The following ITPR2 variants were observed in gnomAD, a reference collection of about 807,000 sequenced individuals.
The protein encoded by ITPR2 is inositol 1,4,5-trisphosphate receptor type 2, also known as inositol 1,4,5-trisphosphate-gated calcium channel ITPR2.
In ITPR2, 207 loss-of-function variants were observed where a neutral mutation model predicts 317.1. The ratio of observed to expected loss-of-function variants is 0.65; its 90% CI spans 0.58 to 0.73. The LOEUF is 0.73. Among genes scored for constraint, ITPR2 ranks in the 30% least tolerant of loss-of-function variants. The pLI is 0.00. For synonymous variants in ITPR2, 1,156 were observed against 1,149.1 expected (o/e 1.01, Z -0.12); for missense variants, 2,613 against 3,284.0 (o/e 0.80, Z 4.99).
chr12:26,522,324 T>C (rs1415899753), intron 37 of ITPR2, among the ~76,000 whole-genome samples: 1 of 152,206 alleles, frequency 6.6e-6, no homozygotes, highest in African/African-American at 2.4e-5. Flanking sequence ...CTATTAGACA[T>C]GAAGTAGCCA....
At position 26,624,305 on chromosome 12, in the gene ITPR2, G is replaced by C; in HGVS notation, c.3116C>G (p.Ala1039Gly). ...TATATAAATGTTACTATACCTTCCC[G>C]CAAACATAGTTTCTGCCTGAGCTGC... ...EIAAQAETMF[A>G]GRKEKNPVQL... is the part of the protein sequence containing the mutation. Residue 1039 changes from alanine (A) to glycine (G), a missense_variant, in exon 24 of 57, where the codon GCG becomes GGG. Ala to Gly is a moderately conservative substitution (Grantham distance 60). Transcript: ENST00000381340. 6.2e-7 allele frequency: 1 copy of C among 1,600,538 alleles called. No individual in the cohort carries two copies. The highest frequency in any genetic ancestry group is 8.5e-7 in the Non-Finnish European group (1 of 1,170,064).
At chr12:26,793,511 G>A (rs953392172) in intron 1 of ITPR2, among the ~76,000 whole-genome samples, 4 of 151,972 alleles carry the variant, frequency 2.6e-5, no homozygotes, top group Non-Finnish European at 4.4e-5. Flanking sequence ...AATACTCTAG[G>A]CTATCCTCTA....
intron 48 of ITPR2, among the ~76,000 whole-genome samples, chr12:26,430,023 A>G (rs1389970389): frequency 6.6e-6 from 1 of 152,230 alleles, no homozygotes; most frequent in Non-Finnish European, 1.5e-5. Flanking sequence ...ATCAAACAGA[A>G]ATTATAGTCA....
chr12:26,511,185 A>G (rs1338478593), intron 37 of ITPR2, among the ~76,000 whole-genome samples: 1 of 152,190 alleles, frequency 6.6e-6, no homozygotes, highest in Non-Finnish European at 1.5e-5. Context: ...GTGCTCCACA[A>G]GTATCATCCC....
intron 25 of ITPR2, among the ~76,000 whole-genome samples, 200 bp downstream of exon 25, chr12:26,622,040 T>TA (rs1400334228): frequency 1.3e-5 from 2 of 152,118 alleles, no homozygotes; most frequent in South Asian, 2.1e-4. Flanking sequence ...AGACATTAAC[T>TA]AAAAAATCAC....
chr12:26,716,118 T>C, intron 6 of ITPR2, 26 bp downstream of exon 6: 1 of 1,444,528 alleles, frequency 6.9e-7, no homozygotes, highest in South Asian at 1.2e-5. Flanking sequence ...AATGAACACA[T>C]TCATTCCTTT....
intron 55 of ITPR2, among the ~76,000 whole-genome samples, chr12:26,372,855 G>T (rs1307023372): frequency 6.6e-6 from 1 of 152,168 alleles, no homozygotes. Context: ...TTCAGCATAG[G>T]TGTAGCCTGA....
intron 15 of ITPR2, among the ~76,000 whole-genome samples, chr12:26,661,428 C>T (rs1947501750): frequency 6.6e-6 from 1 of 152,078 alleles, no homozygotes; most frequent in Non-Finnish European, 1.5e-5. Flanking sequence ...GAACTGACAC[C>T]AGGTAAGACA....
chr12:26,515,504 GA>G (rs902999910), intron 37 of ITPR2, among the ~76,000 whole-genome samples: 1 of 151,934 alleles, frequency 6.6e-6, no homozygotes, highest in African/African-American at 2.4e-5. Context: ...TACTGCTGTG[GA>G]AATCAACAAA....
At chr12:26,394,077 C>T (rs1405218642) in intron 54 of ITPR2, among the ~76,000 whole-genome samples, 2 of 152,170 alleles carry the variant, frequency 1.3e-5, no homozygotes, top group Non-Finnish European at 2.9e-5. Flanking sequence ...AGGGCAGACC[C>T]TCAGTTAAGC....
At chr12:26,773,454 G>T (rs1949906182) in intron 2 of ITPR2, among the ~76,000 whole-genome samples, 1 of 152,050 alleles carries the variant, frequency 6.6e-6, no homozygotes, top group Admixed American at 6.6e-5. Flanking sequence ...ACACAGGATG[G>T]GTAAGTGAGG....
chr12:26,375,006 T>C (rs1323528374), intron 55 of ITPR2, among the ~76,000 whole-genome samples: 4 of 152,250 alleles, frequency 2.6e-5, no homozygotes, highest in Non-Finnish European at 5.9e-5. Flanking sequence ...CAATATGGCA[T>C]GGGCTATGCT....
In ITPR2 at chr12:26,453,119, A is replaced by T. The variant is rs192233187; in HGVS notation, c.6343-9469T>A. ...GTTCCATTTTCAACTAAAACAGGTTATACCTTCTCCTACTTCTACTTCAAT... is the reference window on the plus strand; with the variant it reads ...GTTCCATTTTCAACTAAAACAGGTTTTACCTTCTCCTACTTCTACTTCAAT... On this transcript the variant is annotated intron_variant, in intron 45 of 56. Transcript: ENST00000381340. 1.3e-4 allele frequency among the ~76,000 whole-genome samples: 19 copies of T among 151,436 alleles called. 1 individual carries two copies. In the East Asian group the frequency reaches 2.7e-3, roughly 22 times the overall value.
intron 32 of ITPR2, among the ~76,000 whole-genome samples, chr12:26,581,998 G>C (rs1241411789): frequency 6.6e-6 from 1 of 152,092 alleles, no homozygotes; most frequent in Non-Finnish European, 1.5e-5. Flanking sequence ...TTTAGTCAGT[G>C]GATTAATGAA....
intron 37 of ITPR2, among the ~76,000 whole-genome samples, chr12:26,512,913 C>T (rs1347856120): frequency 7.0e-6 from 1 of 142,054 alleles, no homozygotes; most frequent in African/African-American, 2.5e-5. Context: ...ACCTCCGCCT[C>T]CCAGGTTCAA....
At position 26,336,892 on chromosome 12, in the gene ITPR2, A is replaced by G. The variant is rs1321239442; in HGVS notation, c.*2505T>C. On this transcript the variant is annotated 3_prime_UTR_variant, in exon 57 of 57. Coordinates refer to ENST00000381340, the MANE Select transcript of ITPR2 (RefSeq NM_002223.4). ...CAAATATAAATTTATATCAAATGTC[A>G]AATTTCCCCATTATCTTCTCCTCTT... The G allele has an allele frequency of 6.6e-6, 1 of 151,982 alleles. No individual in the cohort carries two copies. Among genetic ancestry groups the G allele is most frequent in the Non-Finnish European group, 1.5e-5 (1 of 67,984 alleles). The allele number at this position is 151,982 out of a possible 1,614,324, so 9.4% of individuals were successfully genotyped here.
intron 15 of ITPR2, among the ~76,000 whole-genome samples, chr12:26,662,196 C>CT (rs1210383655): frequency 6.6e-6 from 1 of 152,132 alleles, no homozygotes; most frequent in East Asian, 1.9e-4. Flanking sequence ...TCAAGCAAAT[C>CT]TTTTTTTCTT....
chr12:26,643,554 A>G (rs1947040218), intron 21 of ITPR2, among the ~76,000 whole-genome samples: 1 of 152,240 alleles, frequency 6.6e-6, no homozygotes, highest in South Asian at 2.1e-4. Flanking sequence ...ACTTCATAGA[A>G]GGTCACAAAC....
intron 13 of ITPR2, among the ~76,000 whole-genome samples, chr12:26,671,543 A>G (rs1592020493): frequency 1.3e-5 from 2 of 152,316 alleles, no homozygotes; most frequent in Middle Eastern, 3.4e-3. Flanking sequence ...AGAGGTCCTG[A>G]AGGAAGCACT....
Sources: allele counts gnomAD v4.1 joint callset (sites outside exome capture counted in the v4.1 genomes callset), GRCh38; gene constraint gnomAD v4.1.1; transcripts MANE v1.5; gene names NCBI Gene and HGNC (gene_info 2026-07-23, HGNC 2026-07-21).